CBLB: variants seen among roughly 807,000 people sequenced by gnomAD.
CBLB encodes Cbl proto-oncogene B, also known as E3 ubiquitin-protein ligase CBL-B.
A neutral mutation model predicts 104.9 loss-of-function variants in CBLB; 31 were observed. That is an observed-to-expected ratio of 0.30 (90% confidence interval 0.22 to 0.40). The LOEUF (loss-of-function observed/expected upper bound fraction) is 0.40, where lower values mean the gene tolerates loss of function less well. Ranked by LOEUF, CBLB falls within the 10% of genes least tolerant of loss-of-function variation. The pLI is 1.00. For synonymous variants in CBLB, 440 were observed against 422.6 expected (o/e 1.04, Z -0.51); for missense variants, 1,062 against 1,214.6 (o/e 0.87, Z 1.87).
chr3:105,717,558 CA>C (rs2072090965), intron 10 of CBLB, among the ~76,000 whole-genome samples: 1 of 152,134 alleles, frequency 6.6e-6, no homozygotes, highest in African/African-American at 2.4e-5. Context: ...AAAAGGGTCA[CA>C]AATCAATAAA....
chr3:105,842,614 T>C (rs1216974364), intron 3 of CBLB, among the ~76,000 whole-genome samples: 1 of 152,104 alleles, frequency 6.6e-6, no homozygotes, highest in African/African-American at 2.4e-5. Context: ...AGCAAGTAGG[T>C]GGTAAGGTAC....
intron 4 of CBLB, among the ~76,000 whole-genome samples, chr3:105,767,107 G>A (rs2078310247): frequency 2.0e-5 from 3 of 152,082 alleles, no homozygotes; most frequent in Admixed American, 2.0e-4. Context: ...AGGCAACAAA[G>A]GGAGGTAGCT....
chr3:105,703,931 GCAAT>G (rs1197273827), intron 11 of CBLB, 53 bp downstream of exon 11: 21 of 1,468,976 alleles, frequency 1.4e-5, no homozygotes, highest in Non-Finnish European at 1.9e-5. Flanking sequence ...AAGAATCTGA[GCAAT>G]CAATAATTGT....
chr3:105,841,514 G>A (rs1174363104), intron 3 of CBLB, among the ~76,000 whole-genome samples: 3 of 151,736 alleles, frequency 2.0e-5, no homozygotes, highest in Non-Finnish European at 4.4e-5. Flanking sequence ...GTGCAGTGGT[G>A]TGATCTCGGC....
At chr3:105,687,623 T>G (rs761716723) in intron 13 of CBLB, among the ~76,000 whole-genome samples, 7 of 152,010 alleles carry the variant, frequency 4.6e-5, no homozygotes, top group Non-Finnish European at 8.8e-5. Context: ...AATACTTAGG[T>G]GTTCCATTTA....
At chr3:105,664,054 G>A (rs2064102705) in intron 18 of CBLB, among the ~76,000 whole-genome samples, 2 of 152,092 alleles carry the variant, frequency 1.3e-5, no homozygotes. Context: ...GCCACAAAAA[G>A]TCTTTATTAC....
chr3:105,800,032 G>A (rs763152738), intron 3 of CBLB, among the ~76,000 whole-genome samples: 3 of 152,142 alleles, frequency 2.0e-5, no homozygotes, highest in Non-Finnish European at 2.9e-5. Flanking sequence ...AATATGTGAT[G>A]TCCTGGTAAA....
rs1204028700 is a variant in CBLB at position 105,685,477 on chromosome 3, A to G, written c.2055-11T>C. On this transcript the variant is annotated splice_polypyrimidine_tract_variant and intron_variant, in intron 13 of 18. Coordinates refer to ENST00000394030, the MANE Select transcript of CBLB (RefSeq NM_170662.5). ...AACGGACCAGTACACCTACCAGGGG[A>G]AAAAAAATCCAATCTAGTTTAAGCA... 5.0e-6 allele frequency: 8 copies of G among 1,605,764 alleles called. No homozygotes were observed. The highest frequency in any genetic ancestry group is 4.5e-5 in the East Asian group (2 of 44,686).
intron 3 of CBLB, among the ~76,000 whole-genome samples, chr3:105,846,987 C>T (rs1052399632): frequency 2.0e-4 from 30 of 152,022 alleles, no homozygotes; most frequent in African/African-American, 7.0e-4. Flanking sequence ...GTATTCTTTA[C>T]TCAAAGCAAT....
intron 9 of CBLB, among the ~76,000 whole-genome samples, chr3:105,732,071 A>G (rs913705556): frequency 5.9e-5 from 9 of 152,122 alleles, no homozygotes; most frequent in Middle Eastern, 3.4e-3. Flanking sequence ...CCACACTACC[A>G]CCCTGAAGGC....
intron 4 of CBLB, among the ~76,000 whole-genome samples, chr3:105,775,006 G>A (rs1364131215): frequency 6.6e-6 from 1 of 152,154 alleles, no homozygotes; most frequent in Non-Finnish European, 1.5e-5. Flanking sequence ...AACCTGGCAA[G>A]ATTGTTCTGC....
chr3:105,779,386 TCAC>T (rs368545537), intron 3 of CBLB, among the ~76,000 whole-genome samples: 175 of 152,306 alleles, frequency 1.1e-3, no homozygotes, highest in African/African-American at 4.0e-3. Context: ...TGCAAATGGA[TCAC>T]CACAATTTTA....
chr3:105,776,920 A>T (rs914753557), intron 3 of CBLB, among the ~76,000 whole-genome samples: 2 of 152,214 alleles, frequency 1.3e-5, no homozygotes, highest in African/African-American at 4.8e-5. Context: ...GAGTAAGGAA[A>T]GATTTGCCAT....
chr3:105,868,863 G>C lies in CBLB; in HGVS notation c.-142C>G, dbSNP rs1177485958. 1 of 1,010,722 alleles carries C rather than the reference G, an allele frequency of 9.9e-7. No individual in the cohort carries two copies. The highest frequency in any genetic ancestry group is 1.7e-5 in the African/African-American group (1 of 57,358). The allele number at this position is 1,010,722 out of a possible 1,614,324, so 62.6% of individuals were successfully genotyped here. ...CTGAGAACAGCTCGCTCCCGAAGAAGGAGCAACCCAGCGCGCAGGCCTCCG... is the reference window on the plus strand; with the variant it reads ...CTGAGAACAGCTCGCTCCCGAAGAACGAGCAACCCAGCGCGCAGGCCTCCG... On this transcript the variant is annotated 5_prime_UTR_variant, in exon 1 of 19. Transcript: ENST00000394030.
At chr3:105,688,717 T>C (rs9840891) in intron 13 of CBLB, among the ~76,000 whole-genome samples, 33,505 of 151,952 alleles carry the variant, frequency 0.22, 3,817 homozygotes, top group Admixed American at 0.26. Flanking sequence ...AATATAGCTA[T>C]ATTTGAAATG....
At chr3:105,771,773 C>A (rs1304292953) in intron 4 of CBLB, among the ~76,000 whole-genome samples, 1 of 152,002 alleles carries the variant, frequency 6.6e-6, no homozygotes, top group Non-Finnish European at 1.5e-5. Flanking sequence ...AGAACTCAAT[C>A]CCCTTTGCAA....
intron 3 of CBLB, among the ~76,000 whole-genome samples, chr3:105,833,319 T>C (rs968780251): frequency 8.5e-5 from 13 of 152,218 alleles, no homozygotes; most frequent in Non-Finnish European, 5.9e-5. Context: ...TCATTCTGCA[T>C]GATTCTGAAG....
At chr3:105,819,091 G>C (rs2085458039) in intron 3 of CBLB, among the ~76,000 whole-genome samples, 2 of 152,178 alleles carry the variant, frequency 1.3e-5, no homozygotes, top group South Asian at 4.1e-4. Flanking sequence ...CTTAAATCTA[G>C]CTTCATATAT....
intron 9 of CBLB, among the ~76,000 whole-genome samples, chr3:105,720,489 T>C (rs866588148): frequency 2.1e-4 from 32 of 152,172 alleles, no homozygotes; most frequent in African/African-American, 6.8e-4. Context: ...AAAGTTTGAT[T>C]TTCCCAAGAG....
Sources: gnomAD v4.1 joint callset for allele counts (sites outside exome capture counted in the v4.1 genomes callset) on GRCh38, gnomAD v4.1.1 for gene constraint, MANE v1.5 for transcripts, NCBI Gene and HGNC (gene_info 2026-07-23, HGNC 2026-07-21) for gene names.